The following CDH18 variants were observed in gnomAD, a reference collection of about 807,000 sequenced individuals.
CDH18 encodes cadherin 18.
Under a neutral mutation model 67.9 loss-of-function variants are expected in CDH18, and 31 were observed. That is an observed-to-expected ratio of 0.46 (90% CI 0.34 to 0.62). CDH18 has a LOEUF of 0.62. CDH18 is among the 20% of genes least tolerant of loss of function. The probability of loss-of-function intolerance (pLI) is 0.01; values close to 1 mark genes in which losing one functional copy is unlikely to be tolerated. For missense variants in CDH18, 890 were observed against 975.5 expected (o/e 0.91, Z 1.17); for synonymous variants, 362 against 347.2 (o/e 1.04, Z -0.48).
chr5:19,858,269 G>T (rs1026772259), intron 2 of CDH18, among the ~76,000 whole-genome samples: 2 of 152,124 alleles, frequency 1.3e-5, no homozygotes, highest in Non-Finnish European at 2.9e-5. Flanking sequence ...GGAATCAATA[G>T]AAAGAAATGT....
intron 1 of CDH18, among the ~76,000 whole-genome samples, chr5:20,377,969 A>AGC (rs1743599642): frequency 1.8e-5 from 1 of 56,964 alleles, no homozygotes; most frequent in Non-Finnish European, 6.7e-5. Flanking sequence ...CCTTTAATGG[A>AGC]ACAATTATGA....
intron 1 of CDH18, among the ~76,000 whole-genome samples, chr5:20,363,271 G>C (rs1580835016): frequency 6.6e-6 from 1 of 151,742 alleles, no homozygotes; most frequent in African/African-American, 2.4e-5. Context: ...AATCCCCTGA[G>C]GTCAGGAGCT....
At chr5:20,193,431 G>A (rs1252370252) in intron 2 of CDH18, among the ~76,000 whole-genome samples, 1 of 152,032 alleles carries the variant, frequency 6.6e-6, no homozygotes, top group East Asian at 1.9e-4. Context: ...TTCTGAAAAT[G>A]AGGCAGTAAT....
intron 2 of CDH18, among the ~76,000 whole-genome samples, chr5:20,170,065 C>T (rs540815909): frequency 6.6e-6 from 1 of 151,506 alleles, no homozygotes; most frequent in South Asian, 2.1e-4. Context: ...GCAGAACGTG[C>T]AGGTTTGTTA....
At chr5:19,983,609 C>T (rs1023109615) in intron 1 of CDH18, among the ~76,000 whole-genome samples, 4 of 152,086 alleles carry the variant, frequency 2.6e-5, no homozygotes, top group Middle Eastern at 3.2e-3. Flanking sequence ...TTATGTGGCT[C>T]AACAATGTAG....
At chr5:20,200,525 A>T (rs1398029594) in intron 2 of CDH18, among the ~76,000 whole-genome samples, 1 of 152,032 alleles carries the variant, frequency 6.6e-6, no homozygotes, top group East Asian at 1.9e-4. Context: ...AAAGTATAAA[A>T]ATTAGCTGGG....
intron 1 of CDH18, among the ~76,000 whole-genome samples, chr5:20,549,621 G>A (rs1757526578): frequency 6.6e-6 from 1 of 152,114 alleles, no homozygotes; most frequent in African/African-American, 2.4e-5. Flanking sequence ...AAGAAAGTGA[G>A]AAGATTAACT....
At chr5:20,186,008 T>C (rs1214146454) in intron 2 of CDH18, among the ~76,000 whole-genome samples, 2 of 151,854 alleles carry the variant, frequency 1.3e-5, no homozygotes, top group African/African-American at 2.4e-5. Context: ...GCAATAAAAA[T>C]AGAAATGAAA....
At chr5:19,834,289 T>C (rs752446824) in intron 3 of CDH18, among the ~76,000 whole-genome samples, 5 of 152,020 alleles carry the variant, frequency 3.3e-5, no homozygotes, top group Non-Finnish European at 5.9e-5. Flanking sequence ...TCCATTTCTT[T>C]TAGATTTTCT....
chr5:19,807,834 T>G (rs1462665121), intron 3 of CDH18, among the ~76,000 whole-genome samples: 1 of 152,194 alleles, frequency 6.6e-6, no homozygotes, highest in African/African-American at 2.4e-5. Flanking sequence ...TTTTTCACAA[T>G]TCTCATCATT....
At chr5:20,148,023 T>A (rs1292209357) in intron 2 of CDH18, among the ~76,000 whole-genome samples, 1 of 152,102 alleles carries the variant, frequency 6.6e-6, no homozygotes, top group Admixed American at 6.6e-5. Flanking sequence ...AATATATACT[T>A]TTTTATGTTT....
intron 2 of CDH18, among the ~76,000 whole-genome samples, chr5:20,045,973 A>T (rs756765161): frequency 6.6e-6 from 1 of 152,060 alleles, no homozygotes; most frequent in Non-Finnish European, 1.5e-5. Context: ...ATAGCACCCA[A>T]ATGAACTAAG....
At chr5:20,513,175 T>C (rs1561082030) in intron 1 of CDH18, among the ~76,000 whole-genome samples, 1 of 152,166 alleles carries the variant, frequency 6.6e-6, no homozygotes, top group Non-Finnish European at 1.5e-5. Context: ...TTTTCAGTTA[T>C]AATAAAGTGG....
intron 2 of CDH18, among the ~76,000 whole-genome samples, chr5:20,182,230 C>G (rs1737740892): frequency 6.6e-6 from 1 of 151,844 alleles, no homozygotes; most frequent in Non-Finnish European, 1.5e-5. Context: ...ATCACTTCAA[C>G]TTCACTTGTA....
chr5:20,050,239 G>T (rs559559871), intron 2 of CDH18, among the ~76,000 whole-genome samples: 1 of 151,894 alleles, frequency 6.6e-6, no homozygotes, highest in African/African-American at 2.4e-5. Context: ...TTTTTCTCAT[G>T]TATTATTTTG....
Position 19,775,327 on chromosome 5 carries a change from G to T in CDH18, c.229-28091C>A, listed in dbSNP as rs182104758. ...CTTGCATTGCTATAAAGAAATACCT[G>T]AGACGGGGTAATTTATAGGAAAAGA... On this transcript the variant is annotated intron_variant, in intron 3 of 12. Transcript: ENST00000382275. 7.2e-5 allele frequency among the ~76,000 whole-genome samples: 11 copies of T among 152,296 alleles called. No homozygotes were observed. In the East Asian group the frequency reaches 2.1e-3, roughly 29 times the overall value.
intron 4 of CDH18, among the ~76,000 whole-genome samples, chr5:19,738,064 CTCTG>C (rs1768592001): frequency 2.0e-5 from 3 of 151,992 alleles, no homozygotes; most frequent in Admixed American, 2.0e-4. Context: ...TTAAGAATAG[CTCTG>C]TCTCTGTGAA....
chr5:20,378,834 T>C (rs1456437691), intron 1 of CDH18, among the ~76,000 whole-genome samples: 1 of 152,122 alleles, frequency 6.6e-6, no homozygotes, highest in Non-Finnish European at 1.5e-5. Flanking sequence ...CCTGAAGCTG[T>C]CCTAGTAAAA....
chr5:20,299,813 A>G (rs1747826126), intron 1 of CDH18, among the ~76,000 whole-genome samples: 1 of 151,906 alleles, frequency 6.6e-6, no homozygotes. Context: ...TTATGGCTCA[A>G]TATTTCTCAT....
Sources: gnomAD v4.1 joint callset for allele counts (sites outside exome capture counted in the v4.1 genomes callset) on GRCh38, gnomAD v4.1.1 for gene constraint, MANE v1.5 for transcripts, NCBI Gene and HGNC (gene_info 2026-07-23, HGNC 2026-07-21) for gene names.